Variants in MUC13 observed in about 807,000 individuals in gnomAD.
MUC13 encodes the protein mucin-13.
In MUC13, 32 loss-of-function variants were observed where a neutral mutation model predicts 48.3. The ratio of observed to expected loss-of-function variants is 0.66; its 90% confidence interval spans 0.50 to 0.89. MUC13 has a LOEUF of 0.89. Ranked by LOEUF, MUC13 falls within the 40% of genes least tolerant of loss-of-function variation. The pLI is 0.00. For synonymous variants in MUC13, 199 were observed against 224.9 expected (o/e 0.88, Z 1.03); for missense variants, 571 against 622.8 (o/e 0.92, Z 0.88).
chr3:124,920,087 CT>C (rs1378282714), intron 5 of MUC13, 146 bp downstream of exon 5: 2 of 751,270 alleles, frequency 2.7e-6, no homozygotes, highest in Non-Finnish European at 4.6e-6. Context: ...ACACAGTCCC[CT>C]TTGCAGTGCT....
chr3:124,923,597 A>G lies in MUC13; in HGVS notation c.567T>C (p.Val189=). 2 of 1,614,028 alleles carry G rather than the reference A, an allele frequency of 1.2e-6. No homozygotes were observed. Among genetic ancestry groups the G allele is most frequent in the Non-Finnish European group, 1.7e-6 (2 of 1,179,920 alleles). ...GGCAAAAACTTGTATTATGCAGCTT[A>G]ACACATAACGAATTATCTGCACAGG... The part of the protein sequence containing the change: ...DDPCADNSLC[V]KLHNTSFCLC... Residue 189 remains valine (V), a synonymous_variant, in exon 3 of 12, where the codon GTT becomes GTC. Coordinates refer to ENST00000616727, the MANE Select transcript of MUC13 (RefSeq NM_033049.4).
chr3:124,923,857 TATA>T (rs751362184), intron 2 of MUC13, among the ~76,000 whole-genome samples: 1 of 152,138 alleles, frequency 6.6e-6, no homozygotes, highest in Non-Finnish European at 1.5e-5. Flanking sequence ...TAGAGCCAAG[TATA>T]ATACTTGTCA....
At chr3:124,929,290 C>A (rs9861922) in intron 1 of MUC13, among the ~76,000 whole-genome samples, 1 of 151,948 alleles carries the variant, frequency 6.6e-6, no homozygotes, top group Non-Finnish European at 1.5e-5. Context: ...GATCCTCCCA[C>A]CTTGGCCGCC....
chr3:124,920,173 G>T, intron 5 of MUC13, 61 bp downstream of exon 5: 1 of 1,435,288 alleles, frequency 7.0e-7, no homozygotes, highest in South Asian at 1.2e-5. Context: ...CAGACCTCAA[G>T]AGAAGCTCGG....
chr3:124,919,379 G>A (rs1422110647), intron 5 of MUC13, among the ~76,000 whole-genome samples: 2 of 136,594 alleles, frequency 1.5e-5, no homozygotes, highest in Non-Finnish European at 3.1e-5. Flanking sequence ...TTGTAGAGAT[G>A]TAATGTCACT....
rs372823172 is a variant in MUC13 at position 124,909,485 on chromosome 3, C to CATGTGTGTGTGTGTGT, written c.1337+929_1337+930insACACACACACACACAT. On this transcript the variant is annotated intron_variant, in intron 10 of 11. Transcript: ENST00000616727. ...TGCAGAGATGACACGTGTGTGCTTG[C>CATGTGTGTGTGTGTGT]GTGTGTGTGTGTGTGTGTGTGTGTG... Among the ~76,000 whole-genome samples, 573 of 148,452 alleles carry CATGTGTGTGTGTGTGT rather than the reference C, an allele frequency of 3.9e-3. 2 individuals carry two copies. Among genetic ancestry groups the CATGTGTGTGTGTGTGT allele is most frequent in the Middle Eastern group, 0.021 (6 of 292 alleles).
intron 3 of MUC13, among the ~76,000 whole-genome samples, chr3:124,922,634 T>G (rs1935618522): frequency 1.1e-4 from 1 of 8,696 alleles, no homozygotes; most frequent in Non-Finnish European, 2.4e-4. Flanking sequence ...ACAGATAGGG[T>G]CTTGCTCTAT....
chr3:124,922,584 G>T (rs1935616876), intron 3 of MUC13, among the ~76,000 whole-genome samples: 1 of 140,810 alleles, frequency 7.1e-6, no homozygotes. Context: ...CCAAATCGTT[G>T]CCTAGTCTTT....
chr3:124,908,116 C>T lies in MUC13; in HGVS notation c.*31G>A, dbSNP rs528339128. On this transcript the variant is annotated intron_variant, in intron 11 of 11. Transcript: ENST00000616727. ...TGCTCTGCCCTGGTGCATTCACTCC[C>T]AAAAGCAGGAGAAAAAGCCCACTGA... The T allele has an allele frequency of 9.5e-4, 1,533 of 1,611,768 alleles. 26 individuals are homozygous for T. The South Asian group carries it at 0.012, about 12-fold the overall frequency.
intron 10 of MUC13, among the ~76,000 whole-genome samples, chr3:124,909,238 C>T (rs1480089136): frequency 6.6e-6 from 1 of 152,012 alleles, no homozygotes; most frequent in South Asian, 2.1e-4. Context: ...GGAAAACTAC[C>T]TATTTTGCCA....
chr3:124,932,896 C>G (rs1456193450), intron 1 of MUC13, among the ~76,000 whole-genome samples: 1 of 152,116 alleles, frequency 6.6e-6, no homozygotes, highest in Non-Finnish European at 1.5e-5. Flanking sequence ...TCAATGATTC[C>G]TGATTCCCTT....
chr3:124,929,110 C>A (rs1364446007), intron 1 of MUC13, among the ~76,000 whole-genome samples: 1 of 152,014 alleles, frequency 6.6e-6, no homozygotes, highest in South Asian at 2.1e-4. Flanking sequence ...CTTTTAGGAA[C>A]CCCTGGACAC....
At chr3:124,923,913 A>G (rs780865997) in intron 2 of MUC13, among the ~76,000 whole-genome samples, 3 of 152,192 alleles carry the variant, frequency 2.0e-5, no homozygotes, top group Non-Finnish European at 2.9e-5. Flanking sequence ...TTGCCCAAAG[A>G]AAGAGAGATT....
At chr3:124,913,068 A>G (rs1449093368) in intron 8 of MUC13, 43 bp downstream of exon 8, 2 of 1,604,192 alleles carry the variant, frequency 1.2e-6, no homozygotes, top group Admixed American at 3.4e-5. Flanking sequence ...TACTTTGCCT[A>G]GCTCCAGCTG....
rs559728638 is a variant in MUC13, at chr3:124,907,600, A to G, written c.*547T>C. ...ACCACTGGACTCAAGTCTGGGTGACAGAGTGAGACCCTGTCTCAAAACAAC... is the reference window on the plus strand; with the variant it reads ...ACCACTGGACTCAAGTCTGGGTGACGGAGTGAGACCCTGTCTCAAAACAAC... On this transcript the variant is annotated intron_variant, in intron 11 of 11. Transcript: ENST00000616727. 3.9e-5 allele frequency among the ~76,000 whole-genome samples: 6 copies of G among 152,282 alleles called. No individual in the cohort carries two copies. The South Asian group carries it at 8.3e-4, about 21-fold the overall frequency.
intron 5 of MUC13, among the ~76,000 whole-genome samples, chr3:124,919,388 C>T (rs1193521609): frequency 7.2e-6 from 1 of 139,792 alleles, no homozygotes; most frequent in East Asian, 2.1e-4. Flanking sequence ...TGTAATGTCA[C>T]TATGTTGCTC....
intron 4 of MUC13, among the ~76,000 whole-genome samples, chr3:124,921,394 G>T (rs1935592507): frequency 6.6e-6 from 1 of 152,094 alleles, no homozygotes; most frequent in East Asian, 1.9e-4. Context: ...CAAGTAATCT[G>T]CCCGCCTCAT....
intron 2 of MUC13, among the ~76,000 whole-genome samples, chr3:124,926,211 T>C (rs950100259): frequency 1.3e-5 from 2 of 152,158 alleles, no homozygotes; most frequent in African/African-American, 4.8e-5. Context: ...AGGAATTGAT[T>C]AAGTCACAGG....
intron 1 of MUC13, among the ~76,000 whole-genome samples, chr3:124,931,197 C>T (rs1056620264): frequency 6.6e-6 from 1 of 151,138 alleles, no homozygotes; most frequent in Non-Finnish European, 1.5e-5. Context: ...CTTCGGGAGG[C>T]TGAGGTGGGT....
Sources: gnomAD v4.1 joint callset for allele counts (sites outside exome capture counted in the v4.1 genomes callset) on GRCh38, gnomAD v4.1.1 for gene constraint, MANE v1.5 for transcripts, NCBI Gene and HGNC (gene_info 2026-07-23, HGNC 2026-07-21) for gene names.